TUT7: variants seen among roughly 807,000 people sequenced by gnomAD.
TUT7 encodes terminal uridylyltransferase 7.
In TUT7, 33 loss-of-function variants were observed where a neutral mutation model predicts 165.9. That is an observed-to-expected ratio of 0.20 (90% CI 0.15 to 0.27). TUT7 has a LOEUF of 0.27. TUT7 is among the 10% of genes least tolerant of loss of function. The probability of loss-of-function intolerance (pLI) is 1.00; values close to 1 mark genes in which losing one functional copy is unlikely to be tolerated. For missense variants in TUT7, 1,338 were observed against 1,762.3 expected (o/e 0.76, Z 4.31); for synonymous variants, 552 against 608.1 (o/e 0.91, Z 1.36).
In TUT7 at chr9:86,346,286, A is replaced by ATG; in HGVS notation, c.702+12_702+13insCA. Reference sequence around the variant, plus strand: ...AGGATTCTAACCAACAAATATATATATAAGGATGTTACCCTTTTTAGCCTG... The same window carrying ATG: ...AGGATTCTAACCAACAAATATATATATGTAAGGATGTTACCCTTTTTAGCCTG... On this transcript the variant is annotated intron_variant, in intron 3 of 26. Transcript: ENST00000375963. The ATG allele has an allele frequency of 6.2e-7, 1 of 1,610,324 alleles. No homozygotes were observed. The highest frequency in any genetic ancestry group is 1.1e-5 in the South Asian group (1 of 90,452).
At chr9:86,310,133 G>A in intron 18 of TUT7, 116 bp from the exon 19 acceptor site, 2 of 811,290 alleles carry the variant, frequency 2.5e-6, no homozygotes, top group South Asian at 3.7e-5. Flanking sequence ...TGCCCAGGCT[G>A]GTCATGAACT....
At chr9:86,318,770 C>T (rs1828969974) in intron 16 of TUT7, among the ~76,000 whole-genome samples, 188 bp downstream of exon 16, 1 of 152,200 alleles carries the variant, frequency 6.6e-6, no homozygotes, top group South Asian at 2.1e-4. Flanking sequence ...GAAAGTATAA[C>T]CTTTCTGCTC....
chr9:86,313,123 C>CAAA, intron 17 of TUT7, among the ~76,000 whole-genome samples: 1 of 111,758 alleles, frequency 8.9e-6, no homozygotes, highest in Non-Finnish European at 1.9e-5. Context: ...CAAGAATGAT[C>CAAA]AATAATAAAT....
intron 3 of TUT7, 87 bp downstream of exon 3, chr9:86,346,212 T>C (rs1831746154): frequency 4.0e-6 from 5 of 1,263,552 alleles, no homozygotes; most frequent in Non-Finnish European, 3.3e-6. Flanking sequence ...GGATATCTAA[T>C]TGATCAGAGC....
intron 10 of TUT7, among the ~76,000 whole-genome samples, chr9:86,334,172 A>C (rs1227275838): frequency 6.6e-6 from 1 of 152,064 alleles, no homozygotes; most frequent in Non-Finnish European, 1.5e-5. Flanking sequence ...TGGCAAGTAA[A>C]ACCCAAGGTG....
intron 26 of TUT7, among the ~76,000 whole-genome samples, chr9:86,300,858 T>C (rs1296693655): frequency 6.6e-6 from 1 of 152,254 alleles, no homozygotes; most frequent in African/African-American, 2.4e-5. Flanking sequence ...CATGTGCCTG[T>C]GTGTGGCTCA....
chr9:86,323,106 T>A lies in TUT7; in HGVS notation c.2644A>T (p.Thr882Ser). ...TCCTCATCCCCTGACCCAGTGTAGG[T>A]GTTGTCTAACTCATCTTCATTAGCC... ...GMANEDELDN[T>S]YTGSGDEDAL... The change falls in exon 13 of 27, where the codon ACC becomes TCC. Residue 882 changes from threonine (T) to serine (S), a missense_variant. Transcript: ENST00000375963. 1.2e-6 allele frequency: 2 copies of A among 1,614,152 alleles called. No individual in the cohort carries two copies. The highest frequency in any genetic ancestry group is 2.2e-5 in the South Asian group (2 of 91,080).
chr9:86,339,825 TTTTTC>T lies in TUT7; in HGVS notation c.1208+206_1208+210del, dbSNP rs1370341903. On this transcript the variant is annotated intron_variant, in intron 8 of 26. Transcript: ENST00000375963. The stretch of plus-strand genomic sequence containing the variant: ...GGACCGAAATACTTCCTTGCTATAT[TTTTTC>T]TTTTAAGTCATTTTATTATTTTTAA... Among the ~76,000 whole-genome samples, 17 of 152,364 alleles carry T rather than the reference TTTTTC, an allele frequency of 1.1e-4. No homozygotes were observed. In the East Asian group the frequency reaches 2.9e-3, roughly 26 times the overall value.
At chr9:86,329,642 C>T (rs936952552) in intron 10 of TUT7, among the ~76,000 whole-genome samples, 2 of 152,056 alleles carry the variant, frequency 1.3e-5, no homozygotes, top group African/African-American at 4.8e-5. Context: ...AAATGGGCTA[C>T]TTCATTGGTT....
At chr9:86,319,133 G>T in intron 15 of TUT7, 75 bp from the exon 16 acceptor site, 1 of 997,144 alleles carries the variant, frequency 1.0e-6, no homozygotes, top group Non-Finnish European at 1.5e-6. Flanking sequence ...GCCCTCTCAT[G>T]AATCAAAAAC....
At position 86,345,126 on chromosome 9, in the gene TUT7, G is replaced by A. The variant is rs747049274; in HGVS notation, c.848C>T (p.Thr283Met). The A allele has an allele frequency of 6.8e-6, 11 of 1,609,894 alleles. No homozygotes were observed. Among genetic ancestry groups the A allele is most frequent in the African/African-American group, 1.3e-5 (1 of 74,836 alleles). The part of the protein sequence containing the change: ...KEKQEEELLT[T>M]LPPPTPSQIN... The stretch of plus-strand genomic sequence containing the variant: ...CTGGGAGGGTGTTGGTGGGGGTAAC[G>A]TAGTGAGCAACTCTTCCTCTTGCTT... The change falls in exon 5 of 27, where the codon ACG (threonine) becomes ATG (methionine). Residue 283 changes from threonine (T) to methionine (M), a missense_variant. Around this residue, in one of 7 missense-constraint regions of TUT7, gnomAD observed 434 missense variants for 480.8 expected, o/e 0.90. Transcript: ENST00000375963.
intron 10 of TUT7, among the ~76,000 whole-genome samples, chr9:86,333,039 C>T (rs1564080177): frequency 6.6e-6 from 1 of 152,090 alleles, no homozygotes; most frequent in Non-Finnish European, 1.5e-5. Context: ...ACTTTCTTGA[C>T]TCTTTCTGAG....
At chr9:86,315,669 CATG>C (rs1828640310) in intron 17 of TUT7, among the ~76,000 whole-genome samples, 1 of 152,076 alleles carries the variant, frequency 6.6e-6, no homozygotes, top group African/African-American at 2.4e-5. Context: ...AAACAAAACA[CATG>C]ATCTTTAGAG....
chr9:86,342,325 C>A (rs1831391381), intron 6 of TUT7, among the ~76,000 whole-genome samples: 1 of 152,160 alleles, frequency 6.6e-6, no homozygotes, highest in Admixed American at 6.5e-5. Context: ...ACCCAAGTAA[C>A]TGCAAACACA....
intron 26 of TUT7, among the ~76,000 whole-genome samples, chr9:86,289,223 GT>G (rs1017491244): frequency 6.6e-6 from 1 of 152,156 alleles, no homozygotes; most frequent in Non-Finnish European, 1.5e-5. Flanking sequence ...ATATTTACAG[GT>G]GGAGGACACA....
chr9:86,322,551 A>G, intron 13 of TUT7, 76 bp from the exon 14 acceptor site: 1 of 1,516,240 alleles, frequency 6.6e-7, no homozygotes, highest in Non-Finnish European at 8.9e-7. Context: ...TCATGTTTTA[A>G]AAGTACACAG....
rs1276369034 is a variant in TUT7 at position 86,311,620 on chromosome 9, CCCTCTCTTTCCA to C, written c.3275-823_3275-812del. Among the ~76,000 whole-genome samples, 2 of 149,638 alleles carry C rather than the reference CCCTCTCTTTCCA, an allele frequency of 1.3e-5. No individual in the cohort carries two copies. Among genetic ancestry groups the C allele is most frequent in the African/African-American group, 2.5e-5 (1 of 40,612 alleles). On this transcript the variant is annotated intron_variant, in intron 17 of 26. Coordinates refer to ENST00000375963, the MANE Select transcript of TUT7 (RefSeq NM_024617.4). The surrounding 1 kb of genome is among the most constrained non-coding windows in gnomAD (Gnocchi z 4.4). ...TCCCCTCTCCCCACGGTCTCCCTCT[CCCTCTCTTTCCA>C]CGGTCTCCCTCTGATGCCGGTCTCC...
chr9:86,303,144 A>G lies in TUT7; in HGVS notation c.4036T>C (p.Cys1346Arg). The change falls in exon 25 of 27, where the codon TGT becomes CGT. Residue 1346 changes from cysteine to arginine, a missense_variant. Coordinates refer to ENST00000375963, the MANE Select transcript of TUT7 (RefSeq NM_024617.4). The part of the protein sequence containing the change: ...TEGELAPNDR[C>R]CRICGKIGHF... ...CCGATTTTTCCACAAATTCGACAAC[A>G]TCTATCATTTGGGGCCAGCTCTCCT... The G allele has an allele frequency of 6.2e-7, 1 of 1,611,660 alleles. No individual in the cohort carries two copies. The highest frequency in any genetic ancestry group is 1.1e-5 in the South Asian group (1 of 90,656).
intron 13 of TUT7, 120 bp from the exon 14 acceptor site, chr9:86,322,595 T>A: frequency 8.0e-7 from 1 of 1,248,610 alleles, no homozygotes; most frequent in Non-Finnish European, 1.1e-6. Context: ...AATGAAAATA[T>A]AACATGCATC....
Sources: allele counts gnomAD v4.1 joint callset (sites outside exome capture counted in the v4.1 genomes callset), GRCh38; gene constraint gnomAD v4.1.1; regional missense constraint gnomAD v4.1.1; non-coding constraint Gnocchi (gnomAD v3.1); transcripts MANE v1.5; gene names NCBI Gene and HGNC (gene_info 2026-07-23, HGNC 2026-07-21).